Variants in ADAMTSL1 observed in about 807,000 individuals in gnomAD.
ADAMTSL1 encodes ADAMTS like 1.
Under a neutral mutation model 201.8 loss-of-function variants are expected in ADAMTSL1, and 126 were observed. The ratio of observed to expected loss-of-function variants is 0.62; its 90% CI spans 0.54 to 0.72. The LOEUF is 0.72. Among genes scored for constraint, ADAMTSL1 ranks in the 30% least tolerant of loss-of-function variants. ADAMTSL1 has a pLI of 0.00. For synonymous variants in ADAMTSL1, 1,121 were observed against 903.4 expected (o/e 1.24, Z -4.32); for missense variants, 2,679 against 2,277.8 (o/e 1.18, Z -3.59).
intron 1 of ADAMTSL1, among the ~76,000 whole-genome samples, chr9:18,116,035 T>C (rs529087823): frequency 6.6e-6 from 1 of 152,304 alleles, no homozygotes; most frequent in South Asian, 2.1e-4. Context: ...CCATGTACCA[T>C]GTCATGCCAG....
intron 1 of ADAMTSL1, among the ~76,000 whole-genome samples, chr9:18,028,663 G>C (rs1341342381): frequency 1.3e-5 from 2 of 152,120 alleles, no homozygotes; most frequent in East Asian, 3.9e-4. Context: ...GGTTACTGTA[G>C]CCTTGTAGTA....
In ADAMTSL1 at chr9:18,047,730, C is replaced by T. The variant is rs66516931; in HGVS notation, c.88-116132C>T. On this transcript the variant is annotated intron_variant, in intron 1 of 29. Transcript: ENST00000680146. ...TGCTGGTATATAAACAGACATTGAA[C>T]GCAGGCAAAGAAGAATAAAAAAATG... is the stretch of plus-strand genomic sequence containing the variant. Among the ~76,000 whole-genome samples the T allele has an allele frequency of 5.1e-3, 783 of 152,084 alleles. 6 individuals are homozygous for T. Among genetic ancestry groups the T allele is most frequent in the African/African-American group, 0.018 (750 of 41,468 alleles).
At chr9:18,302,625 G>C (rs1457480637) in intron 2 of ADAMTSL1, among the ~76,000 whole-genome samples, 1 of 152,114 alleles carries the variant, frequency 6.6e-6, no homozygotes, top group Non-Finnish European at 1.5e-5. Context: ...ATTTTAATAT[G>C]ACTTAAACCC....
At chr9:18,782,476 T>C (rs1821451142) in intron 19 of ADAMTSL1, among the ~76,000 whole-genome samples, 1 of 152,236 alleles carries the variant, frequency 6.6e-6, no homozygotes, top group African/African-American at 2.4e-5. Flanking sequence ...AATTTTATTC[T>C]CTGATATGTT....
intron 9 of ADAMTSL1, among the ~76,000 whole-genome samples, chr9:18,668,650 C>G (rs936476582): frequency 4.6e-5 from 7 of 152,048 alleles, no homozygotes; most frequent in Non-Finnish European, 8.8e-5. Flanking sequence ...ATATAATATT[C>G]CTGTCAGAGA....
At chr9:18,570,277 G>A (rs1006623309) in intron 3 of ADAMTSL1, among the ~76,000 whole-genome samples, 1 of 151,222 alleles carries the variant, frequency 6.6e-6, no homozygotes, top group Non-Finnish European at 1.5e-5. Context: ...AAGTATAATG[G>A]TTTCATGGAC....
intron 23 of ADAMTSL1, among the ~76,000 whole-genome samples, chr9:18,858,204 T>A (rs905999426): frequency 6.6e-6 from 1 of 152,040 alleles, no homozygotes; most frequent in South Asian, 2.1e-4. Flanking sequence ...TCTTCTTCCA[T>A]ATTTGTAATT....
chr9:18,775,684 A>C (rs919673858), intron 17 of ADAMTSL1, 59 bp from the exon 18 acceptor site: 2 of 1,573,448 alleles, frequency 1.3e-6, no homozygotes, highest in African/African-American at 2.7e-5. Flanking sequence ...ACAGTCTATT[A>C]AAAAATTAGC....
At chr9:18,554,356 T>C (rs1758059052) in intron 3 of ADAMTSL1, among the ~76,000 whole-genome samples, 1 of 151,860 alleles carries the variant, frequency 6.6e-6, no homozygotes, top group Non-Finnish European at 1.5e-5. Context: ...TGTTTCCTCA[T>C]GTTTTATGTT....
At chr9:18,438,893 C>G (rs981982829) in intron 2 of ADAMTSL1, among the ~76,000 whole-genome samples, 1 of 152,202 alleles carries the variant, frequency 6.6e-6, no homozygotes, top group South Asian at 2.1e-4. Context: ...CAGGCACATG[C>G]AGCCTCGATT....
chr9:18,375,898 A>G (rs1311990572), intron 2 of ADAMTSL1, among the ~76,000 whole-genome samples: 1 of 152,184 alleles, frequency 6.6e-6, no homozygotes, highest in Non-Finnish European at 1.5e-5. Context: ...AGCTAGCCAC[A>G]GAGTGCTGAT....
intron 1 of ADAMTSL1, among the ~76,000 whole-genome samples, chr9:18,067,000 G>A (rs1822734477): frequency 6.6e-6 from 1 of 152,144 alleles, no homozygotes; most frequent in African/African-American, 2.4e-5. Flanking sequence ...GGTGGGGGGA[G>A]AGAGGAGGGA....
chr9:18,251,986 G>A (rs1831480678), intron 2 of ADAMTSL1, among the ~76,000 whole-genome samples: 1 of 151,580 alleles, frequency 6.6e-6, no homozygotes, highest in Non-Finnish European at 1.5e-5. Flanking sequence ...ATCAATTAAA[G>A]ATATAAATAT....
At chr9:18,718,116 A>G in intron 14 of ADAMTSL1, 2 of 1,166,908 alleles carry the variant, frequency 1.7e-6, no homozygotes, top group Non-Finnish European at 2.6e-6. Flanking sequence ...CAGTTGTTCC[A>G]TTGTCTTGCT....
At chr9:18,102,990 T>G (rs942739841) in intron 1 of ADAMTSL1, among the ~76,000 whole-genome samples, 1 of 152,230 alleles carries the variant, frequency 6.6e-6, no homozygotes, top group Non-Finnish European at 1.5e-5. Flanking sequence ...ACATTTGAAC[T>G]GATGCCCTTG....
At chr9:18,391,479 T>G (rs1161271544) in intron 2 of ADAMTSL1, among the ~76,000 whole-genome samples, 1 of 152,196 alleles carries the variant, frequency 6.6e-6, no homozygotes, top group East Asian at 1.9e-4. Context: ...AAGGTCTTGC[T>G]CTGTCACCCA....
At chr9:18,541,629 A>C (rs757608231) in intron 3 of ADAMTSL1, among the ~76,000 whole-genome samples, 2 of 152,228 alleles carry the variant, frequency 1.3e-5, no homozygotes, top group Non-Finnish European at 2.9e-5. Context: ...ATGTAGCAGA[A>C]AGAACATGGG....
chr9:18,751,890 G>A lies in ADAMTSL1; in HGVS notation c.2007-1408G>A, dbSNP rs1819492292. 6.7e-4 allele frequency among the ~76,000 whole-genome samples: 2 copies of A among 2,992 alleles called. 1 individual carries two copies. Among genetic ancestry groups the A allele is most frequent in the Non-Finnish European group, 1.8e-3 (2 of 1,120 alleles). 2.0% of individuals were successfully genotyped at this position (2,992 alleles called of 152,430 possible). A position where few individuals can be genotyped will look rare whatever the true frequency, so the allele number is the denominator to read the frequency against. On this transcript the variant is annotated intron_variant, in intron 15 of 28. Transcript: ENST00000380548. ...CGGATCACGAGGTCGGGAGATCGAG[G>A]CCATCCCGGCTAAAACGGTGAAACC...
chr9:18,289,366 T>G (rs1022418013), intron 2 of ADAMTSL1, among the ~76,000 whole-genome samples: 8 of 152,156 alleles, frequency 5.3e-5, no homozygotes, highest in Admixed American at 2.0e-4. Flanking sequence ...CAGAATGATG[T>G]TTAACCAAGT....
Sources: allele counts gnomAD v4.1 joint callset (sites outside exome capture counted in the v4.1 genomes callset), GRCh38; gene constraint gnomAD v4.1.1; transcripts MANE v1.5; gene names NCBI Gene and HGNC (gene_info 2026-07-23, HGNC 2026-07-21).